The following NDUFS4 variants were observed in gnomAD, a reference collection of about 807,000 sequenced individuals.
NDUFS4 encodes the protein NADH:ubiquinone oxidoreductase subunit S4, also known as NADH dehydrogenase [ubiquinone] iron-sulfur protein 4, mitochondrial.
NDUFS4 carries 28 observed loss-of-function variants against 24.3 expected under a neutral mutation model. The ratio of observed to expected loss-of-function variants is 1.15; its 90% CI spans 0.85 to 1.58. NDUFS4 has a LOEUF of 1.58. NDUFS4 is among the 40% of genes most tolerant of loss of function. NDUFS4 has a pLI of 0.00. For missense variants in NDUFS4, 223 were observed against 207.9 expected, an observed-to-expected ratio of 1.07 and a Z score of -0.45; for synonymous variants, 93 against 69.7, an observed-to-expected ratio of 1.34 and a Z score of -1.67.
At chr5:53,574,666 T>G (rs1749326752) in intron 1 of NDUFS4, among the ~76,000 whole-genome samples, 1 of 152,240 alleles carries the variant, frequency 6.6e-6, no homozygotes. Context: ...GTATTTTCAT[T>G]TGGTTCAAAA....
At chr5:53,661,976 A>T (rs984858221) in intron 4 of NDUFS4, among the ~76,000 whole-genome samples, 2 of 152,142 alleles carry the variant, frequency 1.3e-5, no homozygotes, top group Non-Finnish European at 2.9e-5. Flanking sequence ...TTCCTAATTG[A>T]ATACCCTTTA....
At chr5:53,605,176 G>C (rs992530043) in intron 2 of NDUFS4, among the ~76,000 whole-genome samples, 1 of 152,052 alleles carries the variant, frequency 6.6e-6, no homozygotes, top group African/African-American at 2.4e-5. Flanking sequence ...AGCCGAGATC[G>C]CACCATTACT....
intron 1 of NDUFS4, among the ~76,000 whole-genome samples, chr5:53,583,641 T>C (rs558755501): frequency 6.6e-6 from 1 of 152,372 alleles, no homozygotes; most frequent in East Asian, 1.9e-4. Context: ...CTATGTATTT[T>C]GGAAATAAAA....
At chr5:53,593,538 C>T (rs955919042) in intron 1 of NDUFS4, among the ~76,000 whole-genome samples, 2 of 150,566 alleles carry the variant, frequency 1.3e-5, no homozygotes, top group African/African-American at 4.9e-5. Context: ...TTCCTATTTA[C>T]AATTTCATTG....
rs867371531 is a variant in NDUFS4 at position 53,658,431 on chromosome 5, A to G, written c.351-120A>G. ...CAGTTTTAAAGAAATTATTACAAAT[A>G]AAATATTCCATCAATAATGTACTTA... On this transcript the variant is annotated intron_variant, in intron 3 of 4. Coordinates refer to ENST00000296684, the MANE Select transcript of NDUFS4 (RefSeq NM_002495.4). The G allele has an allele frequency of 1.6e-5, 11 of 696,074 alleles. No individual in the cohort carries two copies. In the South Asian group the frequency reaches 2.0e-4, roughly 13 times the overall value. The allele number at this position is 696,074 out of a possible 1,614,324, so 43.1% of individuals were successfully genotyped here.
At chr5:53,679,445 T>C (rs917433549) in intron 4 of NDUFS4, among the ~76,000 whole-genome samples, 5 of 152,158 alleles carry the variant, frequency 3.3e-5, no homozygotes, top group African/African-American at 1.2e-4. Flanking sequence ...AACTGTAATC[T>C]GGCTCACAAT....
intron 1 of NDUFS4, chr5:53,573,696 C>G (rs533053562): frequency 3.1e-5 from 11 of 353,362 alleles, no homozygotes; most frequent in South Asian, 2.3e-4. Flanking sequence ...TTAAGCAGTC[C>G]TCCCACCTCA....
At chr5:53,563,858 G>T (rs954451198) in intron 1 of NDUFS4, among the ~76,000 whole-genome samples, 1 of 152,140 alleles carries the variant, frequency 6.6e-6, no homozygotes, top group Non-Finnish European at 1.5e-5. Context: ...ATTTTCCAGG[G>T]TAAATTTAAC....
intron 2 of NDUFS4, among the ~76,000 whole-genome samples, chr5:53,631,504 G>T (rs1187902487): frequency 6.6e-6 from 1 of 152,178 alleles, no homozygotes; most frequent in East Asian, 1.9e-4. Flanking sequence ...TCCCCCAGGT[G>T]CTCTGTCCCA....
intron 1 of NDUFS4, among the ~76,000 whole-genome samples, chr5:53,570,684 CTTTTTT>C (rs70983360): frequency 4.2e-5 from 5 of 119,864 alleles, no homozygotes; most frequent in Non-Finnish European, 6.8e-5. Context: ...ATTTTTTTTT[CTTTTTT>C]TTTTTTTTTT....
At chr5:53,637,786 G>A (rs1481815400) in intron 2 of NDUFS4, among the ~76,000 whole-genome samples, 5 of 151,918 alleles carry the variant, frequency 3.3e-5, no homozygotes, top group South Asian at 4.1e-4. Context: ...TTCTTCATTC[G>A]AGTTCTGGAA....
At chr5:53,583,499 A>G (rs1225002539) in intron 1 of NDUFS4, among the ~76,000 whole-genome samples, 2 of 152,212 alleles carry the variant, frequency 1.3e-5, no homozygotes, top group African/African-American at 2.4e-5. Flanking sequence ...TATAGCTATT[A>G]TGTGATTTTA....
intron 2 of NDUFS4, among the ~76,000 whole-genome samples, chr5:53,637,208 C>G (rs1751582755): frequency 1.1e-5 from 1 of 93,086 alleles, no homozygotes; most frequent in Non-Finnish European, 2.0e-5. Flanking sequence ...TGTTTGAGGT[C>G]CCCAAGTATC....
intron 1 of NDUFS4, among the ~76,000 whole-genome samples, chr5:53,575,761 C>G (rs934768560): frequency 2.6e-5 from 4 of 151,834 alleles, no homozygotes; most frequent in African/African-American, 9.7e-5. Flanking sequence ...AGGCTGGTTT[C>G]AAACTCCTGG....
intron 1 of NDUFS4, among the ~76,000 whole-genome samples, chr5:53,602,345 G>A (rs184255668): frequency 6.6e-6 from 1 of 152,106 alleles, no homozygotes; most frequent in African/African-American, 2.4e-5. Context: ...TTTTGTGTAG[G>A]TATATTTCTG....
At chr5:53,631,609 G>A (rs1351570008) in intron 2 of NDUFS4, among the ~76,000 whole-genome samples, 1 of 152,214 alleles carries the variant, frequency 6.6e-6, no homozygotes, top group African/African-American at 2.4e-5. Flanking sequence ...TAGAGAGGCA[G>A]TCAGCCTTGC....
rs1749168357 is a variant in NDUFS4, at chr5:53,570,377, A to G, written c.98+9617A>G. Among the ~76,000 whole-genome samples, 3 of 152,218 alleles carry G rather than the reference A, an allele frequency of 2.0e-5. No individual in the cohort carries two copies. In the South Asian group the frequency reaches 6.2e-4, roughly 32 times the overall value. ...AGTTTGTTCCTTTTTACTGCTAAGT[A>G]GTATTCCGTTATGTGGAGGTACCAC... is the stretch of plus-strand genomic sequence containing the variant. On this transcript the variant is annotated intron_variant, in intron 1 of 4. Coordinates refer to ENST00000296684, the MANE Select transcript of NDUFS4 (RefSeq NM_002495.4).
intron 2 of NDUFS4, among the ~76,000 whole-genome samples, chr5:53,631,979 T>A (rs1751423818): frequency 6.6e-6 from 1 of 152,168 alleles, no homozygotes; most frequent in African/African-American, 2.4e-5. Context: ...CCCCGACCCC[T>A]TGCACTTCCC....
intron 2 of NDUFS4, among the ~76,000 whole-genome samples, chr5:53,608,431 CTGTT>C (rs1561359913): frequency 6.6e-6 from 1 of 152,204 alleles, no homozygotes; most frequent in Non-Finnish European, 1.5e-5. Flanking sequence ...GCATGTGACA[CTGTT>C]TGATATCATT....
Sources: allele counts gnomAD v4.1 joint callset (sites outside exome capture counted in the v4.1 genomes callset), GRCh38; gene constraint gnomAD v4.1.1; transcripts MANE v1.5; gene names NCBI Gene and HGNC (gene_info 2026-07-23, HGNC 2026-07-21).